The following ARHGAP21 variants were observed in gnomAD, a reference collection of about 807,000 sequenced individuals.
ARHGAP21 encodes the protein Rho GTPase activating protein 21, also known as rho GTPase-activating protein 21.
ARHGAP21 carries 38 observed loss-of-function variants against 164.6 expected under a neutral mutation model. The observed-to-expected ratio is 0.23, with a 90% CI of 0.18 to 0.30. The LOEUF (loss-of-function observed/expected upper bound fraction) is 0.30. ARHGAP21 is among the 10% of genes least tolerant of loss of function. The probability of loss-of-function intolerance (pLI) is 1.00; values close to 1 mark genes in which losing one functional copy is unlikely to be tolerated. For synonymous variants in ARHGAP21, 766 were observed against 857.9 expected (o/e 0.89, Z 1.87); for missense variants, 1,822 against 2,370.7 (o/e 0.77, Z 4.81).
intron 4 of ARHGAP21, among the ~76,000 whole-genome samples, chr10:24,645,700 C>CAG (rs1837500757): frequency 6.6e-6 from 1 of 152,058 alleles, no homozygotes; most frequent in Non-Finnish European, 1.5e-5. Flanking sequence ...CACAAGGAAT[C>CAG]AGAGCCTGTA....
Position 24,704,683 on chromosome 10 carries a change from G to A in ARHGAP21, c.63+17154C>T, listed in dbSNP as rs191508109. Among the ~76,000 whole-genome samples, 692 of 152,054 alleles carry A rather than the reference G, an allele frequency of 4.6e-3. 8 individuals are homozygous for A. Among genetic ancestry groups the A allele is most frequent in the South Asian group, 0.04 (191 of 4,814 alleles). On this transcript the variant is annotated intron_variant, in intron 2 of 25. Coordinates refer to ENST00000396432, the MANE Select transcript of ARHGAP21 (RefSeq NM_020824.4). The stretch of plus-strand genomic sequence containing the variant: ...AGGGTTTTGCCATGTTGCCCAGGCT[G>A]GTCTCGAACTCCTGAGATCAGGCAA...
At chr10:24,592,674 C>T (rs749019730) in intron 21 of ARHGAP21, among the ~76,000 whole-genome samples, 5 of 150,944 alleles carry the variant, frequency 3.3e-5, no homozygotes, top group Admixed American at 2.0e-4. Flanking sequence ...CCAGCTACTC[C>T]GGAGGCTGAG....
chr10:24,611,684 G>A (rs942609187), intron 9 of ARHGAP21, among the ~76,000 whole-genome samples: 3 of 151,630 alleles, frequency 2.0e-5, no homozygotes, highest in African/African-American at 7.3e-5. Flanking sequence ...TCCAGCCTGG[G>A]CAACAGAGCA....
intron 9 of ARHGAP21, among the ~76,000 whole-genome samples, chr10:24,612,220 A>C (rs2077294361): frequency 6.6e-6 from 1 of 152,182 alleles, no homozygotes; most frequent in Non-Finnish European, 1.5e-5. Flanking sequence ...CTCTGCTACG[A>C]AGTAGTATTC....
intron 2 of ARHGAP21, among the ~76,000 whole-genome samples, chr10:24,683,095 CAAA>C (rs200968718): frequency 3.4e-5 from 3 of 88,986 alleles, no homozygotes. Flanking sequence ...AACTCCATCT[CAAA>C]AAAAAAAAAA....
At chr10:24,690,654 C>A (rs1593300292) in intron 2 of ARHGAP21, among the ~76,000 whole-genome samples, 1 of 151,906 alleles carries the variant, frequency 6.6e-6, no homozygotes, top group East Asian at 1.9e-4. Context: ...CATGGTGAAA[C>A]CCTGTCTCTA....
intron 25 of ARHGAP21, among the ~76,000 whole-genome samples, chr10:24,588,068 T>C (rs2076179888): frequency 6.6e-6 from 1 of 152,192 alleles, no homozygotes; most frequent in African/African-American, 2.4e-5. Flanking sequence ...TAAAGAAGTC[T>C]AAAGAGATTT....
intron 2 of ARHGAP21, among the ~76,000 whole-genome samples, chr10:24,674,937 A>T (rs774562102): frequency 2.0e-5 from 3 of 152,152 alleles, no homozygotes; most frequent in Non-Finnish European, 4.4e-5. Flanking sequence ...AACTAACCAT[A>T]CTGAGTGTTG....
intron 2 of ARHGAP21, among the ~76,000 whole-genome samples, chr10:24,671,072 A>G (rs530817821): frequency 1.3e-4 from 20 of 151,862 alleles, no homozygotes; most frequent in African/African-American, 4.3e-4. Flanking sequence ...CAATTCTTCA[A>G]TCTGGAGCTG....
At chr10:24,634,100 A>G (rs1453974714) in intron 5 of ARHGAP21, among the ~76,000 whole-genome samples, 1 of 151,978 alleles carries the variant, frequency 6.6e-6, no homozygotes, top group Non-Finnish European at 1.5e-5. Context: ...TGCTTATCAC[A>G]GCATATCTCC....
chr10:24,590,571 T>C (rs2076285293), intron 24 of ARHGAP21: 7 of 1,476,242 alleles, frequency 4.7e-6, no homozygotes, highest in African/African-American at 1.4e-5. Context: ...AGGGAGAACA[T>C]TGTGTAAAAC....
At chr10:24,680,102 A>G (rs915998517) in intron 2 of ARHGAP21, among the ~76,000 whole-genome samples, 96 of 152,180 alleles carry the variant, frequency 6.3e-4, no homozygotes, top group African/African-American at 2.3e-3. Flanking sequence ...TGATGTCCAG[A>G]TTTGCTAAGT....
At chr10:24,615,838 G>A (rs747263950) in intron 9 of ARHGAP21, among the ~76,000 whole-genome samples, 13 of 152,242 alleles carry the variant, frequency 8.5e-5, no homozygotes, top group Admixed American at 2.0e-4. Flanking sequence ...GCAGTGGTAC[G>A]ATCTCAGCTC....
intron 4 of ARHGAP21, among the ~76,000 whole-genome samples, chr10:24,645,017 A>G (rs894432880): frequency 2.0e-5 from 3 of 152,160 alleles, no homozygotes; most frequent in Non-Finnish European, 2.9e-5. Context: ...TTTCACTTCA[A>G]TATCCTTCAG....
At chr10:24,682,669 A>T (rs72784293) in intron 2 of ARHGAP21, among the ~76,000 whole-genome samples, 1,944 of 152,052 alleles carry the variant, frequency 0.013, 7 homozygotes, top group Admixed American at 0.025. Flanking sequence ...TTGTTTACAG[A>T]GTTTCTAATT....
chr10:24,670,497 G>A, intron 2 of ARHGAP21, 100 bp from the exon 3 acceptor site: 1 of 708,804 alleles, frequency 1.4e-6, no homozygotes, highest in Non-Finnish European at 2.0e-6. Flanking sequence ...GCGCCGATAT[G>A]AACTATTTTC....
chr10:24,625,772 A>C (rs1835082560), intron 7 of ARHGAP21, among the ~76,000 whole-genome samples: 1 of 152,216 alleles, frequency 6.6e-6, no homozygotes, highest in Admixed American at 6.5e-5. Context: ...TAATTCTAAT[A>C]AACTTCAAGA....
intron 4 of ARHGAP21, among the ~76,000 whole-genome samples, chr10:24,639,940 C>A: frequency 6.6e-6 from 1 of 150,812 alleles, no homozygotes. Context: ...CACACTAAAG[C>A]TAATAGATTA....
chr10:24,624,204 C>G (rs960227240), intron 7 of ARHGAP21, among the ~76,000 whole-genome samples: 1 of 152,016 alleles, frequency 6.6e-6, no homozygotes, highest in African/African-American at 2.4e-5. Context: ...AATATGAATT[C>G]ATTCAAGAAC....
Sources: gnomAD v4.1 joint callset for allele counts (sites outside exome capture counted in the v4.1 genomes callset) on GRCh38, gnomAD v4.1.1 for gene constraint, MANE v1.5 for transcripts, NCBI Gene and HGNC (gene_info 2026-07-23, HGNC 2026-07-21) for gene names.